CELF2: variants seen among roughly 807,000 people sequenced by gnomAD.
CELF2 encodes CUG triplet repeat RNA-binding protein 2.
A neutral mutation model predicts 62.6 loss-of-function variants in CELF2; 8 were observed. That is an observed-to-expected ratio of 0.13 (90% CI 0.07 to 0.23). The LOEUF is 0.23. CELF2 is among the 10% of genes least tolerant of loss of function. The probability of loss-of-function intolerance (pLI) is 1.00; values close to 1 mark genes in which losing one functional copy is unlikely to be tolerated. For synonymous variants in CELF2, 258 were observed against 250.0 expected, an observed-to-expected ratio of 1.03 and a Z score of -0.30; for missense variants, 333 against 671.0, an observed-to-expected ratio of 0.50 and a Z score of 5.56.
At chr10:10,463,875 G>A in the CELF2 span, among the ~76,000 whole-genome samples, 4 of 149,622 alleles carry the variant, frequency 2.7e-5, no homozygotes, top group Non-Finnish European at 4.4e-5. Flanking sequence ...TTGTCCTTTG[G>A]TTTTGAATAG....
chr10:10,713,156 C>T, the CELF2 span, among the ~76,000 whole-genome samples: 1 of 152,244 alleles, frequency 6.6e-6, no homozygotes, highest in Non-Finnish European at 1.5e-5. Context: ...TCCCCTATCC[C>T]CAATGGTCTT....
Position 11,318,601 on chromosome 10 carries a change from G to T in CELF2, c.1097-2588G>T. The T allele has an allele frequency of 2.7e-6, 1 of 374,838 alleles. No individual in the cohort carries two copies. The allele number at this position is 374,838 out of a possible 1,614,324, so 23.2% of individuals were successfully genotyped here. A position where few individuals can be genotyped will look rare whatever the true frequency, so the allele number is the denominator to read the frequency against. ...AGAAGGATGTGGCTGGAATGTCACT[G>T]GCTGGAGCTCCAAGCCTCACAATAC... On this transcript the variant is annotated intron_variant, in intron 10 of 12. Transcript: ENST00000633077. This position sits in a 1 kb window ranked among gnomAD's most constrained non-coding sequence, Gnocchi z 5.4.
At chr10:10,657,500 A>G in the CELF2 span, among the ~76,000 whole-genome samples, 1 of 152,212 alleles carries the variant, frequency 6.6e-6, no homozygotes, top group Non-Finnish European at 1.5e-5. Context: ...TTGTAACTCA[A>G]TAAAGCTGTT....
In CELF2 at chr10:11,290,716, G is replaced by C. The variant is rs1008387697; in HGVS notation, c.976+2164G>C. Among the ~76,000 whole-genome samples, 2 of 152,140 alleles carry C rather than the reference G, an allele frequency of 1.3e-5. No individual in the cohort carries two copies. The highest frequency in any genetic ancestry group is 6.5e-5 in the Admixed American group (1 of 15,286). Reference sequence around the variant, plus strand: ...CACACCAGCGCAGCGTCCTTGCCTTGACTGCTCTGTAAGAGGCTTCTTGCC... The same window carrying C: ...CACACCAGCGCAGCGTCCTTGCCTTCACTGCTCTGTAAGAGGCTTCTTGCC... On this transcript the variant is annotated intron_variant, in intron 9 of 12. Transcript: ENST00000633077. The surrounding 1 kb of genome is among the most constrained non-coding windows in gnomAD (Gnocchi z 4.3).
At chr10:10,910,027 G>T (rs2063675238) in intron 1 of CELF2, among the ~76,000 whole-genome samples, 1 of 152,170 alleles carries the variant, frequency 6.6e-6, no homozygotes, top group Non-Finnish European at 1.5e-5. Context: ...CACAATGCAG[G>T]CTGGTATTTG....
At chr10:10,910,559 G>T (rs1215662286) in intron 1 of CELF2, among the ~76,000 whole-genome samples, 1 of 151,962 alleles carries the variant, frequency 6.6e-6, no homozygotes, top group Admixed American at 6.6e-5. Flanking sequence ...AGCCAGGCAT[G>T]GTGGCATGCT....
intron 1 of CELF2, among the ~76,000 whole-genome samples, chr10:11,131,971 A>G (rs1391848086): frequency 6.6e-6 from 1 of 152,224 alleles, no homozygotes; most frequent in Non-Finnish European, 1.5e-5. Flanking sequence ...ATTGAGTTTT[A>G]AGTCCTGCAT....
chr10:11,262,201 G>A (rs1040030216), intron 5 of CELF2, among the ~76,000 whole-genome samples: 3 of 152,186 alleles, frequency 2.0e-5, no homozygotes, highest in African/African-American at 7.2e-5. Flanking sequence ...GGCAAGTACA[G>A]ACTGGATTTA....
chr10:11,151,009 T>C (rs188269484), intron 1 of CELF2, among the ~76,000 whole-genome samples: 5 of 152,030 alleles, frequency 3.3e-5, no homozygotes, highest in African/African-American at 1.2e-4. Context: ...TGTTGTGAGA[T>C]CATAAAAAGT....
chr10:11,197,701 G>A (rs1474630754), intron 2 of CELF2, among the ~76,000 whole-genome samples: 3 of 152,190 alleles, frequency 2.0e-5, no homozygotes, highest in Non-Finnish European at 2.9e-5. Flanking sequence ...GAGGGAGGAG[G>A]GAGAAACTCT....
chr10:10,735,539 C>T, the CELF2 span, among the ~76,000 whole-genome samples: 2 of 152,084 alleles, frequency 1.3e-5, no homozygotes, highest in Admixed American at 6.6e-5. Flanking sequence ...AACAGGACGT[C>T]GAGAAACAAA....
chr10:10,864,918 A>G (rs1190098064), intron 1 of CELF2, among the ~76,000 whole-genome samples: 1 of 152,206 alleles, frequency 6.6e-6, no homozygotes, highest in Non-Finnish European at 1.5e-5. Context: ...AAAAAGATAT[A>G]TATTCACAAT....
the CELF2 span, among the ~76,000 whole-genome samples, chr10:10,714,326 G>A: frequency 2.2e-4 from 33 of 152,018 alleles, no homozygotes; most frequent in South Asian, 8.3e-4. Context: ...AGAAATTTTC[G>A]TCTGGAAAAG....
the CELF2 span, among the ~76,000 whole-genome samples, chr10:10,653,418 T>G: frequency 4.0e-5 from 6 of 148,350 alleles, no homozygotes; most frequent in East Asian, 1.9e-4. Context: ...ATATACAATT[T>G]TTTCAGCACC....
chr10:10,573,110 T>C, the CELF2 span, among the ~76,000 whole-genome samples: 1 of 152,212 alleles, frequency 6.6e-6, no homozygotes, highest in Non-Finnish European at 1.5e-5. Flanking sequence ...ATCAGTGTTG[T>C]TGAGCTTTTT....
rs138924740 is a variant in CELF2 at position 10,824,418 on chromosome 10, C to A, written c.53+25601C>A. ...CCACAAAACCCCCCAAATTCAAATG[C>A]ATATCTGGAACCTGACATCTTCAAC... On this transcript the variant is annotated intron_variant, in intron 1 of 13. Transcript: ENST00000636488. Among the ~76,000 whole-genome samples, 941 of 152,270 alleles carry A rather than the reference C, an allele frequency of 6.2e-3. 11 individuals carry two copies. The highest frequency in any genetic ancestry group is 0.022 in the African/African-American group (904 of 41,554).
intron 2 of CELF2, among the ~76,000 whole-genome samples, chr10:10,953,906 C>G (rs570988176): frequency 2.7e-5 from 4 of 150,304 alleles, no homozygotes; most frequent in Non-Finnish European, 5.9e-5. Context: ...AGGGTTGATA[C>G]AAATCAAAAT....
chr10:10,463,188 A>G, the CELF2 span, among the ~76,000 whole-genome samples: 1 of 152,202 alleles, frequency 6.6e-6, no homozygotes, highest in Non-Finnish European at 1.5e-5. Flanking sequence ...TCATTTGCAG[A>G]CCTTGTATTT....
rs1432998242 is a variant in CELF2, at chr10:11,280,044, C to G, written c.841+4924C>G. On this transcript the variant is annotated intron_variant, in intron 8 of 12. Transcript: ENST00000633077. The surrounding 1 kb of genome is among the most constrained non-coding windows in gnomAD (Gnocchi z 7.6). ...AAGGAACCGTTTGCCAAGCACGCGC[C>G]CTTGCCTCTCGGTCTGGTGCCCTTT... Among the ~76,000 whole-genome samples, 1 of 152,166 alleles carries G rather than the reference C, an allele frequency of 6.6e-6. No individual in the cohort carries two copies. The highest frequency in any genetic ancestry group is 6.5e-5 in the Admixed American group (1 of 15,286).
Sources: gnomAD v4.1 joint callset for allele counts (sites outside exome capture counted in the v4.1 genomes callset) on GRCh38, gnomAD v4.1.1 for gene constraint, Gnocchi (gnomAD v3.1) non-coding constraint, MANE v1.5 for transcripts, NCBI Gene and HGNC (gene_info 2026-07-23, HGNC 2026-07-21) for gene names.